Variants in CSMD1 observed in about 807,000 individuals in gnomAD.
CSMD1 encodes CUB and sushi domain-containing protein 1.
CSMD1 carries 213 observed loss-of-function variants against 417.5 expected under a neutral mutation model. That is an observed-to-expected ratio of 0.51 (90% CI 0.46 to 0.57). The LOEUF is 0.57. Ranked by LOEUF, CSMD1 falls within the 20% of genes least tolerant of loss-of-function variation. The probability of loss-of-function intolerance (pLI) is 0.00; values close to 1 mark genes in which losing one functional copy is unlikely to be tolerated. For missense variants in CSMD1, 6,923 were observed against 4,529.7 expected (o/e 1.53, Z -15.17); for synonymous variants, 2,862 against 1,736.8 (o/e 1.65, Z -16.11).
chr8:3,254,888 A>G (rs189668346), intron 26 of CSMD1, among the ~76,000 whole-genome samples: 161 of 152,016 alleles, frequency 1.1e-3, no homozygotes, highest in Non-Finnish European at 1.9e-3. Flanking sequence ...GTCATTCTCC[A>G]TCCAGCTTTG....
At chr8:4,674,017 G>A (rs574451416) in intron 1 of CSMD1, among the ~76,000 whole-genome samples, 13 of 152,236 alleles carry the variant, frequency 8.5e-5, no homozygotes, top group East Asian at 5.8e-4. Context: ...CAAATCTTAC[G>A]GTATGAGAAG....
intron 7 of CSMD1, among the ~76,000 whole-genome samples, chr8:3,688,746 G>C (rs1049282640): frequency 6.6e-6 from 1 of 152,008 alleles, no homozygotes; most frequent in Non-Finnish European, 1.5e-5. Flanking sequence ...AAAAGTTGCT[G>C]GGTGAAACTG....
chr8:3,004,647 A>G (rs896598882), intron 52 of CSMD1, among the ~76,000 whole-genome samples: 1 of 152,212 alleles, frequency 6.6e-6, no homozygotes, highest in African/African-American at 2.4e-5. Flanking sequence ...CGAATTAACA[A>G]TTCAATTACT....
At chr8:4,588,875 G>T (rs932692429) in intron 2 of CSMD1, among the ~76,000 whole-genome samples, 2 of 152,054 alleles carry the variant, frequency 1.3e-5, no homozygotes, top group East Asian at 3.9e-4. Flanking sequence ...ACGCGAATGT[G>T]ATGTGGCATT....
rs570621511 is a variant in CSMD1 at position 3,492,216 on chromosome 8, G to C, written c.1448+1407C>G. Among the ~76,000 whole-genome samples, 13 of 152,274 alleles carry C rather than the reference G, an allele frequency of 8.5e-5. No homozygotes were observed. The South Asian group carries it at 1.9e-3, about 22-fold the overall frequency. Reference sequence around the variant, plus strand: ...GATTATTCTCCATTGCTTCAGTGGAGTGTTATTTCCCCAAGCAACCAGTGG... The same window carrying C: ...GATTATTCTCCATTGCTTCAGTGGACTGTTATTTCCCCAAGCAACCAGTGG... On this transcript the variant is annotated intron_variant, in intron 11 of 69. Coordinates refer to ENST00000635120, the MANE Select transcript of CSMD1 (RefSeq NM_033225.6).
At chr8:3,048,958 A>AT (rs1316955715) in intron 50 of CSMD1, among the ~76,000 whole-genome samples, 1 of 152,010 alleles carries the variant, frequency 6.6e-6, no homozygotes, top group African/African-American at 2.4e-5. Context: ...AGACAAACAG[A>AT]TGGCAACTGA....
intron 7 of CSMD1, among the ~76,000 whole-genome samples, chr8:3,662,715 C>G (rs1798482703): frequency 6.6e-6 from 1 of 152,086 alleles, no homozygotes; most frequent in Non-Finnish European, 1.5e-5. Flanking sequence ...TGGAAGCCAT[C>G]ATTCTCAGCA....
chr8:3,403,437 T>A (rs1024647012), intron 15 of CSMD1, among the ~76,000 whole-genome samples: 1 of 152,162 alleles, frequency 6.6e-6, no homozygotes, highest in African/African-American at 2.4e-5. Flanking sequence ...CTGCACTCAG[T>A]CATTAGGTTT....
chr8:4,383,744 A>C (rs1424759713), intron 3 of CSMD1, among the ~76,000 whole-genome samples: 1 of 151,230 alleles, frequency 6.6e-6, no homozygotes, highest in Non-Finnish European at 1.5e-5. Context: ...TGTGCAGATA[A>C]AAAAAATTTC....
intron 1 of CSMD1, among the ~76,000 whole-genome samples, chr8:4,668,092 T>A (rs35981593): frequency 6.6e-6 from 1 of 152,186 alleles, no homozygotes; most frequent in Non-Finnish European, 1.5e-5. Flanking sequence ...TTATTCTACC[T>A]TGCACGTGTA....
chr8:4,651,140 A>T (rs1280878373), intron 1 of CSMD1, among the ~76,000 whole-genome samples: 5 of 152,208 alleles, frequency 3.3e-5, no homozygotes, highest in Non-Finnish European at 5.9e-5. Flanking sequence ...TAAAATGAGT[A>T]CTATAGTTTC....
At chr8:3,921,279 T>C (rs1326815214) in intron 5 of CSMD1, among the ~76,000 whole-genome samples, 1 of 152,186 alleles carries the variant, frequency 6.6e-6, no homozygotes, top group Non-Finnish European at 1.5e-5. Flanking sequence ...CTTTCATTTC[T>C]AATTTTGAGT....
At chr8:2,939,807 G>C (rs553889450) in intron 69 of CSMD1, among the ~76,000 whole-genome samples, 1 of 152,328 alleles carries the variant, frequency 6.6e-6, no homozygotes, top group East Asian at 1.9e-4. Flanking sequence ...ATTGTGCTTG[G>C]AACATGCGCC....
chr8:3,925,031 T>C (rs1229427131), intron 5 of CSMD1, among the ~76,000 whole-genome samples: 1 of 152,204 alleles, frequency 6.6e-6, no homozygotes, highest in Non-Finnish European at 1.5e-5. Flanking sequence ...ATAGTTATCC[T>C]GCCTAGAGAT....
At chr8:4,447,455 A>G (rs762132446) in intron 2 of CSMD1, among the ~76,000 whole-genome samples, 4 of 152,228 alleles carry the variant, frequency 2.6e-5, no homozygotes, top group Non-Finnish European at 5.9e-5. Context: ...AGTAGAATTT[A>G]TATTATTCAT....
intron 16 of CSMD1, among the ~76,000 whole-genome samples, chr8:3,397,703 G>C (rs1035146123): frequency 1.3e-5 from 2 of 152,212 alleles, no homozygotes; most frequent in African/African-American, 4.8e-5. Context: ...TCATGCTGAA[G>C]TTGTCCTATC....
chr8:3,589,791 T>C (rs1365565348), intron 8 of CSMD1, among the ~76,000 whole-genome samples: 1 of 152,122 alleles, frequency 6.6e-6, no homozygotes, highest in Admixed American at 6.6e-5. Flanking sequence ...AAGTAATGGG[T>C]ATGTTAATTA....
intron 18 of CSMD1, among the ~76,000 whole-genome samples, chr8:3,384,809 A>G (rs1810886853): frequency 8.0e-6 from 1 of 124,346 alleles, no homozygotes; most frequent in Non-Finnish European, 1.6e-5. Flanking sequence ...CTATTTATAT[A>G]TAAATATATA....
intron 5 of CSMD1, among the ~76,000 whole-genome samples, chr8:3,851,531 C>G (rs1399420421): frequency 6.6e-6 from 1 of 152,124 alleles, no homozygotes; most frequent in Non-Finnish European, 1.5e-5. Flanking sequence ...CAGGTGGTCC[C>G]TGAAAGGTGA....
Sources: allele counts gnomAD v4.1 joint callset (sites outside exome capture counted in the v4.1 genomes callset), GRCh38; gene constraint gnomAD v4.1.1; transcripts MANE v1.5; gene names NCBI Gene and HGNC (gene_info 2026-07-23, HGNC 2026-07-21).